Variants in CSMD1 observed in about 807,000 individuals in gnomAD.
CSMD1 encodes the protein CUB and sushi domain-containing protein 1.
In CSMD1, 213 loss-of-function variants were observed where a neutral mutation model predicts 417.5. The ratio of observed to expected loss-of-function variants is 0.51; its 90% confidence interval spans 0.46 to 0.57. The LOEUF is 0.57. Ranked by LOEUF, CSMD1 falls within the 20% of genes least tolerant of loss-of-function variation. The pLI, the probability that CSMD1 is intolerant of heterozygous loss-of-function variation, is 0.00. For synonymous variants in CSMD1, 2,862 were observed against 1,736.8 expected (o/e 1.65, Z -16.11); for missense variants, 6,923 against 4,529.7 (o/e 1.53, Z -15.17).
At chr8:4,208,114 A>G (rs1800090487) in intron 3 of CSMD1, among the ~76,000 whole-genome samples, 4 of 152,134 alleles carry the variant, frequency 2.6e-5, no homozygotes, top group Admixed American at 2.6e-4. Flanking sequence ...AAGCAATTTC[A>G]TACACATGAT....
At chr8:3,888,103 C>A (rs115628945) in intron 5 of CSMD1, among the ~76,000 whole-genome samples, 1 of 152,120 alleles carries the variant, frequency 6.6e-6, no homozygotes, top group South Asian at 2.1e-4. Context: ...TAAAAACCAA[C>A]GCTCCTTTGC....
At chr8:4,417,565 A>C (rs35861897) in intron 3 of CSMD1, among the ~76,000 whole-genome samples, 5,108 of 152,134 alleles carry the variant, frequency 0.034, 97 homozygotes, top group Middle Eastern at 0.088. Flanking sequence ...TTTTATATCT[A>C]AATCCAGTTG....
chr8:3,221,761 G>A (rs367716709), intron 28 of CSMD1, among the ~76,000 whole-genome samples: 1 of 152,014 alleles, frequency 6.6e-6, no homozygotes, highest in Non-Finnish European at 1.5e-5. Flanking sequence ...GAGCCCCAAT[G>A]TGTGAGCCCC....
At chr8:4,551,530 C>A (rs570760700) in intron 2 of CSMD1, among the ~76,000 whole-genome samples, 2 of 152,192 alleles carry the variant, frequency 1.3e-5, no homozygotes, top group African/African-American at 4.8e-5. Flanking sequence ...GCCCAACCAT[C>A]CCTATGGTCT....
In CSMD1 at chr8:3,597,227, G is replaced by A. The variant is rs116849541; in HGVS notation, c.1098-10967C>T. Reference sequence around the variant, plus strand: ...TGAGAGGACTCATGGTAAACATCGGGCCCCAGGGGTACACCCAGGCTGTCT... The same window carrying A: ...TGAGAGGACTCATGGTAAACATCGGACCCCAGGGGTACACCCAGGCTGTCT... On this transcript the variant is annotated intron_variant, in intron 8 of 69. Coordinates refer to ENST00000635120, the MANE Select transcript of CSMD1 (RefSeq NM_033225.6). 5.3e-5 allele frequency among the ~76,000 whole-genome samples: 8 copies of A among 152,196 alleles called. No homozygotes were observed. In the East Asian group the frequency reaches 1.4e-3, roughly 26 times the overall value.
At chr8:2,991,534 A>G (rs1371404522) in intron 54 of CSMD1, among the ~76,000 whole-genome samples, 1 of 152,260 alleles carries the variant, frequency 6.6e-6, no homozygotes, top group Non-Finnish European at 1.5e-5. Flanking sequence ...TTCTTTAAAA[A>G]ACAACCTGGA....
intron 10 of CSMD1, among the ~76,000 whole-genome samples, chr8:3,520,020 C>CTATATACATATATATATATATA (rs1491306356): frequency 7.3e-6 from 1 of 137,586 alleles, no homozygotes; most frequent in African/African-American, 3.0e-5. Context: ...GTGTATATAC[C>CTATATACATATATATATATATA]TATATATATA....
intron 1 of CSMD1, among the ~76,000 whole-genome samples, chr8:4,745,395 T>A (rs1047898589): frequency 1.3e-5 from 2 of 152,210 alleles, no homozygotes; most frequent in African/African-American, 2.4e-5. Flanking sequence ...TTAATAAGTA[T>A]TAAATATAAA....
At chr8:3,218,696 AC>A (rs1798026544) in intron 29 of CSMD1, among the ~76,000 whole-genome samples, 1 of 151,732 alleles carries the variant, frequency 6.6e-6, no homozygotes, top group Non-Finnish European at 1.5e-5. Flanking sequence ...ATATGATGAA[AC>A]CCAGTCTCTA....
chr8:3,544,501 G>A (rs1478806883), intron 10 of CSMD1, among the ~76,000 whole-genome samples: 1 of 152,092 alleles, frequency 6.6e-6, no homozygotes, highest in African/African-American at 2.4e-5. Context: ...TTGACGTTCT[G>A]AATAAACTTG....
intron 9 of CSMD1, among the ~76,000 whole-genome samples, chr8:3,577,246 A>G (rs1800188775): frequency 6.7e-6 from 1 of 149,004 alleles, no homozygotes; most frequent in Non-Finnish European, 1.5e-5. Context: ...CATGCATCAT[A>G]TTTTATTTGT....
At chr8:3,948,490 T>G (rs964981598) in intron 5 of CSMD1, among the ~76,000 whole-genome samples, 1 of 152,110 alleles carries the variant, frequency 6.6e-6, no homozygotes, top group Admixed American at 6.5e-5. Flanking sequence ...CTCCAGAAGT[T>G]GTTTTGAATA....
chr8:3,492,972 C>T (rs149053977), intron 11 of CSMD1, among the ~76,000 whole-genome samples: 102 of 152,182 alleles, frequency 6.7e-4, no homozygotes, highest in African/African-American at 2.4e-3. Flanking sequence ...AATATAACAT[C>T]ACAGGGAAGC....
At position 3,858,302 on chromosome 8, in the gene CSMD1, A is replaced by G. The variant is rs185422162; in HGVS notation, c.819-104260T>C. 3.1e-3 allele frequency among the ~76,000 whole-genome samples: 478 copies of G among 152,326 alleles called. 2 individuals carry two copies. The highest frequency in any genetic ancestry group is 5.3e-3 in the Non-Finnish European group (358 of 68,030). ...ATCAAACCCTCAGGATTTCATTAATATGAATAAAAACTTCAAAGGCTCTTC... is the reference window on the plus strand; with the variant it reads ...ATCAAACCCTCAGGATTTCATTAATGTGAATAAAAACTTCAAAGGCTCTTC... On this transcript the variant is annotated intron_variant, in intron 5 of 69. Transcript: ENST00000635120.
chr8:4,455,476 T>A (rs1799409724), intron 2 of CSMD1, among the ~76,000 whole-genome samples: 1 of 152,100 alleles, frequency 6.6e-6, no homozygotes, highest in Admixed American at 6.5e-5. Context: ...TGACAGCACA[T>A]CTAAGAATAG....
At chr8:4,974,277 C>T (rs1255166417) in intron 1 of CSMD1, among the ~76,000 whole-genome samples, 1 of 151,900 alleles carries the variant, frequency 6.6e-6, no homozygotes, top group African/African-American at 2.4e-5. Flanking sequence ...CCACCTGTCT[C>T]CACCTCCCAA....
At chr8:4,246,479 C>A (rs927852784) in intron 3 of CSMD1, among the ~76,000 whole-genome samples, 3 of 152,100 alleles carry the variant, frequency 2.0e-5, no homozygotes, top group African/African-American at 7.2e-5. Context: ...GGTCTTGTTA[C>A]AGAGATAAGA....
chr8:3,298,354 C>G (rs1014693012), intron 25 of CSMD1, among the ~76,000 whole-genome samples: 8 of 152,178 alleles, frequency 5.3e-5, no homozygotes, highest in East Asian at 3.8e-4. Flanking sequence ...CATCAGCACC[C>G]AGAATGGATA....
At chr8:4,931,464 C>T (rs1383165758) in intron 1 of CSMD1, among the ~76,000 whole-genome samples, 4 of 152,144 alleles carry the variant, frequency 2.6e-5, no homozygotes, top group Non-Finnish European at 4.4e-5. Flanking sequence ...GCCTGCCCAC[C>T]GTCTGTCCCA....
Sources: allele counts gnomAD v4.1 joint callset (sites outside exome capture counted in the v4.1 genomes callset), GRCh38; gene constraint gnomAD v4.1.1; transcripts MANE v1.5; gene names NCBI Gene and HGNC (gene_info 2026-07-23, HGNC 2026-07-21).